CCDC120: variants seen among roughly 807,000 people sequenced by gnomAD.
The protein encoded by CCDC120 is coiled-coil domain-containing protein 120.
A neutral mutation model predicts 37.6 loss-of-function variants in CCDC120; 16 were observed. That is an observed-to-expected ratio of 0.43 (90% CI 0.29 to 0.65). The LOEUF (loss-of-function observed/expected upper bound fraction) is 0.65, where lower values mean the gene tolerates loss of function less well. Ranked by LOEUF, CCDC120 falls within the 30% of genes least tolerant of loss-of-function variation. The pLI, the probability that CCDC120 is intolerant of heterozygous loss-of-function variation, is 0.18. For synonymous variants in CCDC120, 309 were observed against 275.4 expected (o/e 1.12, Z -1.21); for missense variants, 650 against 657.4 (o/e 0.99, Z 0.12).
In CCDC120 at chrX:49,065,410, G is replaced by GC. The variant is rs1219428008; in HGVS notation, c.788-38dup. The stretch of plus-strand genomic sequence containing the variant: ...CCCCAGCCTGTCCTGCCCCCTCTGG[G>GC]CCCCCCTCATTGAATTCTATCCCAC... On this transcript the variant is annotated intron_variant, in intron 7 of 10. Transcript: ENST00000603986. 8 of 1,134,988 alleles carry GC rather than the reference G, an allele frequency of 7.0e-6. No individual in the cohort carries two copies. In the African/African-American group the frequency reaches 1.3e-4, roughly 18 times the overall value. 93.5% of individuals were successfully genotyped at this position (1,134,988 alleles called of 1,213,427 possible).
At chrX:49,065,139 G>A (rs781846507) in intron 7 of CCDC120, 41 bp downstream of exon 7, 4 of 1,154,141 alleles carry the variant, frequency 3.5e-6, no homozygotes, top group African/African-American at 3.6e-5. Context: ...CGACTCCTAC[G>A]TCCCTTTAGC....
chrX:49,066,136 T>C (rs1425844864), intron 9 of CCDC120, among the ~76,000 whole-genome samples: 1 of 111,437 alleles, frequency 9.0e-6, no homozygotes, highest in Non-Finnish European at 1.9e-5. Context: ...GGCAGGAGAA[T>C]CGCTTGAACC....
intron 1 of CCDC120, among the ~76,000 whole-genome samples, chrX:49,060,194 G>T (rs1482811317): frequency 9.0e-6 from 1 of 111,171 alleles, no homozygotes; most frequent in Admixed American, 9.6e-5. Context: ...GGAGGCCGAG[G>T]CGGGTGGATC....
chrX:49,056,864 G>A (rs2064834514), upstream of CCDC120, among the ~76,000 whole-genome samples: 1 of 111,644 alleles, frequency 9.0e-6, no homozygotes, highest in Non-Finnish European at 1.9e-5. Flanking sequence ...GCTCTTACCA[G>A]GCACTGTTCT....
intron 9 of CCDC120, chrX:49,066,972 C>G (rs1221337694): frequency 2.4e-6 from 1 of 423,975 alleles, no homozygotes; most frequent in Non-Finnish European, 4.1e-6. Flanking sequence ...CGCATTTCTA[C>G]CCCTGACCGC....
At position 49,065,531 on chromosome X, in the gene CCDC120, G is replaced by T. The variant is rs782020199; in HGVS notation, c.865G>T (p.Gly289Trp). 3.6e-5 allele frequency: 44 copies of T among 1,208,951 alleles called. No individual in the cohort carries two copies. Among genetic ancestry groups the T allele is most frequent in the Non-Finnish European group, 4.6e-5 (41 of 894,494 alleles). ...KAWDQLRAVS[G>W]GSPERRTPWK... ...TTGGGACCAGCTGCGGGCAGTATCTGGGGGGAGCCCTGAGCGGCGAACCCC... is the reference window on the plus strand; with the variant it reads ...TTGGGACCAGCTGCGGGCAGTATCTTGGGGGAGCCCTGAGCGGCGAACCCC... Residue 289 changes from glycine to tryptophan, a missense_variant, in exon 8 of 11, where the codon GGG (glycine) becomes TGG (tryptophan). Gly to Trp is a radical substitution (Grantham distance 184). Around this residue, in one of 3 missense-constraint regions of CCDC120, gnomAD observed 576 missense variants for 565.3 expected, o/e 1.02. Coordinates refer to ENST00000603986, the MANE Select transcript of CCDC120 (RefSeq NM_001163321.4).
In CCDC120 at chrX:49,064,352, T is replaced by G. The variant is rs782127085; in HGVS notation, c.430-18T>G. On this transcript the variant is annotated intron_variant, in intron 5 of 10. Transcript: ENST00000603986. Reference sequence around the variant, plus strand: ...TCCCTGTTCCTGGCCATTTCCAACATTTGGGTGGGCCCAACAGGAGCTGGC... The same window carrying G: ...TCCCTGTTCCTGGCCATTTCCAACAGTTGGGTGGGCCCAACAGGAGCTGGC... The G allele has an allele frequency of 7.8e-6, 9 of 1,150,773 alleles. No individual in the cohort carries two copies. In the East Asian group the frequency reaches 2.9e-4, roughly 37 times the overall value. The allele number at this position is 1,150,773 out of a possible 1,213,427, so 94.8% of individuals were successfully genotyped here.
At position 49,067,948 on chromosome X, in the gene CCDC120, C is replaced by A; in HGVS notation, c.1834C>A (p.Pro612Thr). Residue 612 changes from proline to threonine, a missense_variant, in exon 10 of 11, where the codon CCT becomes ACT. By Grantham distance (38) the Pro-to-Thr change is conservative. Coordinates refer to ENST00000603986, the MANE Select transcript of CCDC120 (RefSeq NM_001163321.4). ...SGLAAGPQRR[P>T]VLPSVGPPHP... ...ACTGGCTGCGGGGCCCCAGCGCCGG[C>A]CTGTGCTCCCTTCCGTGGGCCCGCC... The A allele has an allele frequency of 8.7e-7, 1 of 1,146,991 alleles. No homozygotes were observed. The highest frequency in any genetic ancestry group is 1.2e-6 in the Non-Finnish European group (1 of 861,118). The allele number at this position is 1,146,991 out of a possible 1,213,427, so 94.5% of individuals were successfully genotyped here.
intron 6 of CCDC120, 130 bp downstream of exon 6, chrX:49,064,794 T>TG: frequency 2.5e-6 from 2 of 811,912 alleles, no homozygotes; most frequent in Non-Finnish European, 3.5e-6. Context: ...TGAGAAGAGT[T>TG]GTGACAAACT....
chrX:49,061,586 A>G (rs2064886592), intron 1 of CCDC120, among the ~76,000 whole-genome samples: 1 of 112,389 alleles, frequency 8.9e-6, no homozygotes, highest in South Asian at 3.6e-4. Flanking sequence ...CTAGAATGAT[A>G]AGTGTGATGC....
In CCDC120 at chrX:49,067,042, C is replaced by T. The variant is rs1483105755; in HGVS notation, c.1062-134C>T. 6 of 551,429 alleles carry T rather than the reference C, an allele frequency of 1.1e-5. No individual in the cohort carries two copies. The Admixed American group carries it at 1.7e-4, about 16-fold the overall frequency. 45.4% of individuals were successfully genotyped at this position (551,429 alleles called of 1,213,427 possible). A position where few individuals can be genotyped will look rare whatever the true frequency, so the allele number is the denominator to read the frequency against. The stretch of plus-strand genomic sequence containing the variant: ...TGTCACTACCTGCCACCTTTATACA[C>T]ACAGCTTCCAACCTTGGGCCCATTT... On this transcript the variant is annotated intron_variant, in intron 9 of 10. Transcript: ENST00000603986.
chrX:49,057,382 A>G (rs1557078575), upstream of CCDC120, among the ~76,000 whole-genome samples: 1 of 112,460 alleles, frequency 8.9e-6, no homozygotes, highest in Non-Finnish European at 1.9e-5. Context: ...GAGGAGACCT[A>G]AGCTTTGAGA....
Position 49,067,002 on chromosome X carries a change from C to G in CCDC120, c.1062-174C>G, listed in dbSNP as rs184501727. The G allele has an allele frequency of 4.2e-5, 19 of 456,910 alleles. No homozygotes were observed. The Admixed American group carries it at 7.5e-4, about 18-fold the overall frequency. The allele number at this position is 456,910 out of a possible 1,213,427, so 37.7% of individuals were successfully genotyped here. A position where few individuals can be genotyped will look rare whatever the true frequency, so the allele number is the denominator to read the frequency against. On this transcript the variant is annotated intron_variant, in intron 9 of 10. Coordinates refer to ENST00000603986, the MANE Select transcript of CCDC120 (RefSeq NM_001163321.4). ...GACCGCCTAGCCTAGGATAGAACCT[C>G]AGCTGCCCTTTACATGTCACTACCT...
rs1557079714 is a variant in CCDC120, at chrX:49,062,464, C to T, written c.155-4C>T. 1.6e-6 allele frequency: 2 copies of T among 1,212,184 alleles called. No homozygotes were observed. The highest frequency in any genetic ancestry group is 1.8e-5 in the South Asian group (1 of 57,048). ...CCACTGATCTTTGCTCCCTCTGTGTCCAGCTGCCCTGTTCGGAGAGGCTGC... is the reference window on the plus strand; with the variant it reads ...CCACTGATCTTTGCTCCCTCTGTGTTCAGCTGCCCTGTTCGGAGAGGCTGC... On this transcript the variant is annotated splice_region_variant and splice_polypyrimidine_tract_variant and intron_variant, in intron 3 of 10. Transcript: ENST00000603986.
chrX:49,065,410 G>T, intron 7 of CCDC120, 44 bp from the exon 8 acceptor site: 1 of 1,137,064 alleles, frequency 8.8e-7, no homozygotes, highest in Admixed American at 2.8e-5. Context: ...CCCCCTCTGG[G>T]CCCCCCTCAT....
rs1378719704 is a variant in CCDC120 at position 49,068,676 on chromosome X, C to G, written c.*18C>G. The G allele has an allele frequency of 1.8e-6, 2 of 1,089,534 alleles. No homozygotes were observed. Among genetic ancestry groups the G allele is most frequent in the Middle Eastern group, 2.5e-4 (1 of 3,978 alleles). 89.8% of individuals were successfully genotyped at this position (1,089,534 alleles called of 1,213,427 possible). A position where few individuals can be genotyped will look rare whatever the true frequency, so the allele number is the denominator to read the frequency against. Reference sequence around the variant, plus strand: ...TGGTCTGACCCCTTCTGATATGTCCCTTGTTGGCCTGGGCACGATTCCAAT... The same window carrying G: ...TGGTCTGACCCCTTCTGATATGTCCGTTGTTGGCCTGGGCACGATTCCAAT... On this transcript the variant is annotated 3_prime_UTR_variant, in exon 11 of 11. Transcript: ENST00000603986.
chrX:49,061,967 C>T lies in CCDC120; in HGVS notation c.-75C>T, dbSNP rs180988310. The T allele has an allele frequency of 2.6e-4, 294 of 1,134,350 alleles. No individual in the cohort carries two copies. The East Asian group carries it at 8.8e-3, about 34-fold the overall frequency. The allele number at this position is 1,134,350 out of a possible 1,213,427, so 93.5% of individuals were successfully genotyped here. ...TAATTCTCCTTCCCCAGGCAAGACTCGTGGCTGTGACCCATGGGCCTCTGA... is the reference window on the plus strand; with the variant it reads ...TAATTCTCCTTCCCCAGGCAAGACTTGTGGCTGTGACCCATGGGCCTCTGA... On this transcript the variant is annotated 5_prime_UTR_variant, in exon 2 of 11. Coordinates refer to ENST00000603986, the MANE Select transcript of CCDC120 (RefSeq NM_001163321.4).
At position 49,059,144 on chromosome X, in the gene CCDC120, T is replaced by C. The variant is rs368024423; in HGVS notation, c.-84+49T>C. On this transcript the variant is annotated intron_variant, in intron 1 of 10. Transcript: ENST00000603986. ...CCAGGGTGCGAGGGGGATAAGGGCA[T>C]TGGGGAGCTGGGGCAGGGTGTACTG... 4.9e-4 allele frequency: 56 copies of C among 114,701 alleles called. No individual in the cohort carries two copies. The East Asian group carries it at 7.4e-3, about 15-fold the overall frequency. The allele number at this position is 114,701 out of a possible 1,213,427, so 9.5% of individuals were successfully genotyped here.
rs782161666 is a variant in CCDC120 at position 49,067,233 on chromosome X, C to T, written c.1119C>T (p.Phe373=). 6.6e-6 allele frequency: 8 copies of T among 1,209,612 alleles called. No homozygotes were observed. The highest frequency in any genetic ancestry group is 4.4e-5 in the Admixed American group (2 of 45,834). The part of the protein sequence containing the change: ...WSGSQDSQMG[F]PRADPASDRA... ...GCAGCCAGGACTCCCAGATGGGCTTCCCCCGGGCGGACCCTGCCTCCGATC... is the reference window on the plus strand; with the variant it reads ...GCAGCCAGGACTCCCAGATGGGCTTTCCCCGGGCGGACCCTGCCTCCGATC... Residue 373 remains phenylalanine (F), a synonymous_variant, in exon 10 of 11, where the codon TTC becomes TTT. Coordinates refer to ENST00000603986, the MANE Select transcript of CCDC120 (RefSeq NM_001163321.4).
Sources: gnomAD v4.1 joint callset for allele counts (sites outside exome capture counted in the v4.1 genomes callset) on GRCh38, gnomAD v4.1.1 for gene constraint, gnomAD v4.1.1 regional missense constraint, MANE v1.5 for transcripts, NCBI Gene and HGNC (gene_info 2026-07-23, HGNC 2026-07-21) for gene names.